Variants in ME3 observed in about 807,000 individuals in gnomAD.
ME3 encodes malic enzyme 3.
ME3 carries 48 observed loss-of-function variants against 68.9 expected under a neutral mutation model. The ratio of observed to expected loss-of-function variants is 0.70; its 90% CI spans 0.55 to 0.89. ME3 has a LOEUF of 0.89. ME3 is among the 40% of genes least tolerant of loss of function. The probability of loss-of-function intolerance (pLI) is 0.00; values close to 1 mark genes in which losing one functional copy is unlikely to be tolerated. For missense variants in ME3, 675 were observed against 797.4 expected, an observed-to-expected ratio of 0.85 and a Z score of 1.85; for synonymous variants, 320 against 318.8, an observed-to-expected ratio of 1.00 and a Z score of -0.04.
At chr11:86,536,017 G>C (rs1450655338) in intron 4 of ME3, among the ~76,000 whole-genome samples, 1 of 152,164 alleles carries the variant, frequency 6.6e-6, no homozygotes, top group Non-Finnish European at 1.5e-5. Context: ...GTAGCAGAAA[G>C]AGTCCTGGAG....
Position 86,659,154 on chromosome 11 carries a change from G to T in ME3, c.183+12608C>A, listed in dbSNP as rs150598236. On this transcript the variant is annotated intron_variant, in intron 2 of 14. Coordinates refer to ENST00000543262, the Ensembl canonical transcript of ME3. ...CAACTGGGAACTCACACAGTCATCA[G>T]AAACGGACACACAGGAGCGACAGCA... Among the ~76,000 whole-genome samples, 1,335 of 152,318 alleles carry T rather than the reference G, an allele frequency of 8.8e-3. 27 individuals are homozygous for T. Among genetic ancestry groups the T allele is most frequent in the African/African-American group, 0.03 (1,249 of 41,564 alleles).
chr11:86,547,070 C>A (rs1277591121), intron 4 of ME3, among the ~76,000 whole-genome samples: 1 of 151,866 alleles, frequency 6.6e-6, no homozygotes, highest in African/African-American at 2.4e-5. Context: ...AACCCCATCT[C>A]TACTAAAAAT....
intron 3 of ME3, 136 bp downstream of exon 3, chr11:86,559,554 T>G: frequency 9.5e-7 from 1 of 1,057,060 alleles, no homozygotes; most frequent in Non-Finnish European, 1.3e-6. Flanking sequence ...CTTTAGAAGG[T>G]AGGGCTGAGT....
chr11:86,618,299 C>CAAAAAAAAAAAAAAAA (rs55824426), intron 2 of ME3, among the ~76,000 whole-genome samples: 9 of 55,944 alleles, frequency 1.6e-4, no homozygotes, highest in Middle Eastern at 0.03. Flanking sequence ...GGCTCTGTCT[C>CAAAAAAAAAAAAAAAA]AAAAAAAAAA....
At chr11:86,449,952 A>T in exon 10 of ME3, 1 of 1,613,846 alleles carries the variant, frequency 6.2e-7, no homozygotes, top group East Asian at 2.2e-5. Flanking sequence ...CCTTCGGTAC[A>T]CCTTCTTTCT....
At chr11:86,469,586 G>A (rs530638007) in intron 7 of ME3, among the ~76,000 whole-genome samples, 4 of 152,220 alleles carry the variant, frequency 2.6e-5, no homozygotes, top group Non-Finnish European at 4.4e-5. Context: ...ACTTACCGGG[G>A]AGGCTTCTGC....
intron 2 of ME3, among the ~76,000 whole-genome samples, chr11:86,620,381 T>A (rs1027707072): frequency 5.3e-5 from 8 of 152,244 alleles, no homozygotes; most frequent in African/African-American, 1.9e-4. Flanking sequence ...GTTTTCTATT[T>A]CTTCTCTTAT....
chr11:86,622,293 GCCTC>G (rs1400660161), intron 2 of ME3, among the ~76,000 whole-genome samples: 1 of 151,850 alleles, frequency 6.6e-6, no homozygotes, highest in African/African-American at 2.4e-5. Flanking sequence ...CTCATTTTAC[GCCTC>G]CCTATCAATG....
At chr11:86,590,814 A>T (rs995061127) in intron 2 of ME3, among the ~76,000 whole-genome samples, 8 of 152,348 alleles carry the variant, frequency 5.3e-5, no homozygotes, top group Middle Eastern at 3.4e-3. Context: ...ATGGCAAAGG[A>T]CATCAAGCAG....
chr11:86,473,344 G>A (rs958630412), intron 7 of ME3, among the ~76,000 whole-genome samples: 1 of 152,202 alleles, frequency 6.6e-6, no homozygotes, highest in Non-Finnish European at 1.5e-5. Flanking sequence ...CACTTTTGGT[G>A]GGGAAGGGAG....
intron 2 of ME3, among the ~76,000 whole-genome samples, chr11:86,590,632 T>C (rs1959000675): frequency 6.6e-6 from 1 of 152,060 alleles, no homozygotes; most frequent in Non-Finnish European, 1.5e-5. Flanking sequence ...GTGAGGCTGA[T>C]AGGACAGCTG....
intron 2 of ME3, among the ~76,000 whole-genome samples, chr11:86,593,048 G>A (rs1959146472): frequency 6.6e-6 from 1 of 152,184 alleles, no homozygotes; most frequent in Non-Finnish European, 1.5e-5. Flanking sequence ...CAGCATGACT[G>A]GGTATGAAAA....
At chr11:86,452,835 A>G (rs1949706697) in intron 8 of ME3, among the ~76,000 whole-genome samples, 1 of 152,180 alleles carries the variant, frequency 6.6e-6, no homozygotes, top group Non-Finnish European at 1.5e-5. Context: ...TGAGCTATTA[A>G]TTCTGCTTAG....
intron 7 of ME3, among the ~76,000 whole-genome samples, chr11:86,475,132 TG>T (rs1218228410): frequency 5.9e-5 from 9 of 152,182 alleles, no homozygotes; most frequent in Admixed American, 6.5e-5. Context: ...CATACTGAAA[TG>T]TAATTCCCAA....
At chr11:86,483,289 A>T (rs1044082167) in intron 7 of ME3, among the ~76,000 whole-genome samples, 1 of 152,218 alleles carries the variant, frequency 6.6e-6, no homozygotes, top group East Asian at 1.9e-4. Context: ...GAAGTGACAC[A>T]GAGAATGAAT....
intron 2 of ME3, among the ~76,000 whole-genome samples, chr11:86,602,758 A>G (rs1298937660): frequency 2.0e-5 from 3 of 152,202 alleles, no homozygotes; most frequent in Admixed American, 1.3e-4. Flanking sequence ...AGAGATATAG[A>G]CCAATGGAAC....
At chr11:86,565,942 G>A (rs949934733) in intron 2 of ME3, among the ~76,000 whole-genome samples, 9 of 152,240 alleles carry the variant, frequency 5.9e-5, no homozygotes, top group African/African-American at 2.2e-4. Flanking sequence ...GACACTGTGA[G>A]AATGGGACAC....
intron 2 of ME3, among the ~76,000 whole-genome samples, chr11:86,573,428 C>CT (rs33973657): frequency 0.28 from 40,267 of 142,852 alleles, 5,882 homozygotes; most frequent in East Asian, 0.52. Context: ...ACATTTTAGT[C>CT]TTTTTTTTTT....
intron 5 of ME3, among the ~76,000 whole-genome samples, chr11:86,501,251 G>A (rs1425281642): frequency 6.6e-6 from 1 of 151,726 alleles, no homozygotes; most frequent in Non-Finnish European, 1.5e-5. Context: ...ATTTTAACCT[G>A]GTGCCTTGTA....
Sources: gnomAD v4.1 joint callset for allele counts (sites outside exome capture counted in the v4.1 genomes callset) on GRCh38, gnomAD v4.1.1 for gene constraint, MANE v1.5 for transcripts, NCBI Gene and HGNC (gene_info 2026-07-23, HGNC 2026-07-21) for gene names.